MIX23: variants seen among roughly 807,000 people sequenced by gnomAD.
The protein encoded by MIX23 is protein MIX23.
A neutral mutation model predicts 21.6 loss-of-function variants in MIX23; 13 were observed. The ratio of observed to expected loss-of-function variants is 0.60; its 90% CI spans 0.39 to 0.96. MIX23 has a LOEUF of 0.96. MIX23 is among the 40% of genes least tolerant of loss of function. The pLI, the probability that MIX23 is intolerant of heterozygous loss-of-function variation, is 0.00. For synonymous variants in MIX23, 59 were observed against 58.0 expected (o/e 1.02, Z -0.08); for missense variants, 144 against 171.2 (o/e 0.84, Z 0.89).
At position 122,374,937 on chromosome 3, in the gene MIX23, G is replaced by A. The variant is rs117953816; in HGVS notation, c.52-3137C>T. Among the ~76,000 whole-genome samples, 435 of 152,278 alleles carry A rather than the reference G, an allele frequency of 2.9e-3. 9 individuals carry two copies. The highest frequency in any genetic ancestry group is 0.025 in the East Asian group (131 of 5,186). ...GCTTTTCTGAGGATGTAACATTTGCGCTAAAATCTAAATGACATGATTGAA... is the reference window on the plus strand; with the variant it reads ...GCTTTTCTGAGGATGTAACATTTGCACTAAAATCTAAATGACATGATTGAA... On this transcript the variant is annotated intron_variant, in intron 1 of 4. Transcript: ENST00000291458.
intron 3 of MIX23, among the ~76,000 whole-genome samples, chr3:122,363,718 T>G (rs564710549): frequency 1.3e-5 from 2 of 151,914 alleles, no homozygotes; most frequent in South Asian, 4.1e-4. Context: ...TCCTCACACC[T>G]TAACCATACA....
chr3:122,364,863 A>G (rs932829156), intron 3 of MIX23, among the ~76,000 whole-genome samples: 1 of 152,134 alleles, frequency 6.6e-6, no homozygotes, highest in African/African-American at 2.4e-5. Context: ...CAGAAATAAG[A>G]AGTTATTAGG....
At chr3:122,382,035 G>T (rs914349155) in intron 1 of MIX23, among the ~76,000 whole-genome samples, 1 of 152,096 alleles carries the variant, frequency 6.6e-6, no homozygotes, top group Non-Finnish European at 1.5e-5. Flanking sequence ...CAGCCCTAGC[G>T]GACTAATACA....
Position 122,368,289 on chromosome 3 carries a change from T to C in MIX23, c.211A>G (p.Ile71Val), listed in dbSNP as rs1402496169. Residue 71 changes from isoleucine (I) to valine (V), a missense_variant, in exon 3 of 5, where the codon ATA becomes GTA. Coordinates refer to ENST00000291458, the MANE Select transcript of MIX23 (RefSeq NM_001017928.4). ...GAAGTCTGGGCTATACAGTTTTTTA[T>C]GACTCTGTCTCTACTGGCATGAGCT... is the stretch of plus-strand genomic sequence containing the variant. ...MAAHASRDRV[I>V]KNCIAQTSAV... 1 of 1,607,736 alleles carries C rather than the reference T, an allele frequency of 6.2e-7. No individual in the cohort carries two copies. Among genetic ancestry groups the C allele is most frequent in the East Asian group, 2.2e-5 (1 of 44,826 alleles).
rs2075411429 is a variant in MIX23, at chr3:122,368,214, A to T, written c.286T>A (p.Leu96Ile). The stretch of plus-strand genomic sequence containing the variant: ...TTTCTAAGTTGTTTTAATAACGTTA[A>T]ATCGTCCAAATTCTTTTCTCTCTCT... ...REEREKNLDD[L>I]TLLKQLRKEQ... The change falls in exon 3 of 5, where the codon TTA (leucine) becomes ATA (isoleucine). Residue 96 changes from leucine to isoleucine, a missense_variant. Leu to Ile is a conservative substitution (Grantham distance 5). Transcript: ENST00000291458. 1 of 1,610,216 alleles carries T rather than the reference A, an allele frequency of 6.2e-7. No individual in the cohort carries two copies. The highest frequency in any genetic ancestry group is 1.3e-5 in the African/African-American group (1 of 74,882).
intron 3 of MIX23, chr3:122,365,483 A>C (rs1311672351): frequency 6.6e-6 from 1 of 152,188 alleles, no homozygotes; most frequent in East Asian, 1.9e-4. Flanking sequence ...AATTGAAAAA[A>C]AAAATTCACA....
At chr3:122,371,203 C>T (rs903529598) in intron 2 of MIX23, among the ~76,000 whole-genome samples, 5 of 152,214 alleles carry the variant, frequency 3.3e-5, no homozygotes, top group Admixed American at 1.3e-4. Flanking sequence ...ACAACTGATC[C>T]ACTGGCTTTC....
intron 2 of MIX23, among the ~76,000 whole-genome samples, chr3:122,369,666 CA>C (rs1419571067): frequency 2.0e-5 from 3 of 152,136 alleles, no homozygotes; most frequent in Non-Finnish European, 4.4e-5. Flanking sequence ...ATTTAGTATG[CA>C]AGCTTATCCT....
chr3:122,373,879 C>T (rs2075462367), intron 1 of MIX23, among the ~76,000 whole-genome samples: 1 of 151,962 alleles, frequency 6.6e-6, no homozygotes, highest in African/African-American at 2.4e-5. Context: ...CGTCCTGTAT[C>T]TTTCTATTTT....
intron 4 of MIX23, among the ~76,000 whole-genome samples, 157 bp from the exon 5 acceptor site, chr3:122,360,076 G>A (rs2075346859): frequency 6.6e-6 from 1 of 152,014 alleles, no homozygotes; most frequent in South Asian, 2.1e-4. Flanking sequence ...AGTTCAAACT[G>A]ACTTATGAGG....
Position 122,359,721 on chromosome 3 carries a change from T to A in MIX23, c.*148A>T. On this transcript the variant is annotated 3_prime_UTR_variant, in exon 5 of 5. Transcript: ENST00000291458. ...ATTTATACTTGAGGTCTTGGCTAAGTGGGGCTGAAATCAACAAAAGGTCTT... is the reference window on the plus strand; with the variant it reads ...ATTTATACTTGAGGTCTTGGCTAAGAGGGGCTGAAATCAACAAAAGGTCTT... 1 of 629,234 alleles carries A rather than the reference T, an allele frequency of 1.6e-6. No individual in the cohort carries two copies. The highest frequency in any genetic ancestry group is 2.3e-6 in the Non-Finnish European group (1 of 431,486). The allele number at this position is 629,234 out of a possible 1,614,324, so 39.0% of individuals were successfully genotyped here.
chr3:122,377,293 A>C (rs532613904), intron 1 of MIX23, among the ~76,000 whole-genome samples: 5 of 152,350 alleles, frequency 3.3e-5, no homozygotes, highest in Admixed American at 6.5e-5. Context: ...GATGCCTATT[A>C]GATATCTGAG....
At chr3:122,373,087 G>T in intron 1 of MIX23, 1 of 369,418 alleles carries the variant, frequency 2.7e-6, no homozygotes, top group South Asian at 2.2e-5. Flanking sequence ...AGAAAAGTTA[G>T]AAAAAAACTT....
chr3:122,381,619 T>C (rs1197411888), intron 1 of MIX23, among the ~76,000 whole-genome samples: 3 of 150,546 alleles, frequency 2.0e-5, no homozygotes. Context: ...TCCCAGCTAC[T>C]CAGGAGGAGA....
Position 122,368,218 on chromosome 3 carries a change from G to A in MIX23, c.282C>T (p.Asp94=), listed in dbSNP as rs369608130. 44 of 1,609,574 alleles carry A rather than the reference G, an allele frequency of 2.7e-5. No individual in the cohort carries two copies. Among genetic ancestry groups the A allele is most frequent in the African/African-American group, 8.0e-5 (6 of 74,760 alleles). ...TAAGTTGTTTTAATAACGTTAAATC[G>A]TCCAAATTCTTTTCTCTCTCTTCTC... The part of the protein sequence containing the change: ...NLREEREKNL[D]DLTLLKQLRK... The change falls in exon 3 of 5, where the codon GAC becomes GAT. Residue 94 remains aspartate, a synonymous_variant. Coordinates refer to ENST00000291458, the MANE Select transcript of MIX23 (RefSeq NM_001017928.4).
intron 4 of MIX23, among the ~76,000 whole-genome samples, chr3:122,360,361 T>G (rs2075348754): frequency 6.6e-6 from 1 of 152,142 alleles, no homozygotes; most frequent in African/African-American, 2.4e-5. Flanking sequence ...AGGTTAAAAA[T>G]AATTTATGTT....
chr3:122,376,847 T>C (rs973621974), intron 1 of MIX23, among the ~76,000 whole-genome samples: 1 of 151,888 alleles, frequency 6.6e-6, no homozygotes, highest in African/African-American at 2.4e-5. Context: ...GGGTGAAAAA[T>C]TACCTGTTGG....
chr3:122,372,222 C>A, intron 1 of MIX23, among the ~76,000 whole-genome samples: 1 of 76,116 alleles, frequency 1.3e-5, no homozygotes, highest in East Asian at 3.8e-4. Flanking sequence ...GCCTCCAACT[C>A]TCAAAAAAAA....
chr3:122,360,056 T>C (rs1228153366), intron 4 of MIX23, 137 bp from the exon 5 acceptor site: 3 of 859,094 alleles, frequency 3.5e-6, no homozygotes, highest in Admixed American at 2.7e-5. Context: ...AACAGAAGAG[T>C]TTCCTCAGCA....
Sources: allele counts gnomAD v4.1 joint callset (sites outside exome capture counted in the v4.1 genomes callset), GRCh38; gene constraint gnomAD v4.1.1; transcripts MANE v1.5; gene names NCBI Gene and HGNC (gene_info 2026-07-23, HGNC 2026-07-21).